Variants in CFAP410 observed in about 807,000 individuals in gnomAD.
CFAP410 encodes cilia- and flagella-associated protein 410.
CFAP410 carries 27 observed loss-of-function variants against 25.7 expected under a neutral mutation model. The ratio of observed to expected loss-of-function variants is 1.05; its 90% confidence interval spans 0.77 to 1.45. The LOEUF (loss-of-function observed/expected upper bound fraction) is 1.45, where lower values mean the gene tolerates loss of function less well. Among genes scored for constraint, CFAP410 ranks in the 40% most tolerant of loss-of-function variants. The pLI, the probability that CFAP410 is intolerant of heterozygous loss-of-function variation, is 0.00. For missense variants in CFAP410, 428 were observed against 354.1 expected, an observed-to-expected ratio of 1.21 and a Z score of -1.67; for synonymous variants, 178 against 158.4, an observed-to-expected ratio of 1.12 and a Z score of -0.93.
intron 3 of CFAP410, chr21:44,333,909 G>C (rs2047699488): frequency 2.8e-6 from 1 of 359,162 alleles, no homozygotes; most frequent in Admixed American, 3.7e-5. Flanking sequence ...TGCCTGGAGG[G>C]CTGCACTCGC....
At chr21:44,332,604 T>G in intron 4 of CFAP410, 1 of 178,522 alleles carries the variant, frequency 5.6e-6, no homozygotes, top group Non-Finnish European at 1.2e-5. Context: ...AGGGGCGCGA[T>G]GGCACCGCCA....
At chr21:44,338,376 T>A (rs1216654752) in intron 1 of CFAP410, 4 of 1,164,234 alleles carry the variant, frequency 3.4e-6, no homozygotes, top group African/African-American at 1.6e-5. Flanking sequence ...AGGCCTCAAC[T>A]CCAGGCTCCC....
rs567435284 is a variant in CFAP410, at chr21:44,333,137, C to T, written c.269G>A (p.Arg90Gln). Residue 90 changes from arginine (R) to glutamine (Q), a missense_variant, in exon 4 of 7, where the codon CGG becomes CAG. By Grantham distance (43) the Arg-to-Gln change is conservative. Coordinates refer to ENST00000339818, the MANE Select transcript of CFAP410 (RefSeq NM_004928.3). ...CGGGTTCTCGGCCAGCCACAGCACC[C>T]GCAGACGCGGCAGCCCCTTCAGGTA... ...LFYLKGLPRL[R>Q]VLWLAENPCC... 3.5e-5 allele frequency: 57 copies of T among 1,612,164 alleles called. No homozygotes were observed. The highest frequency in any genetic ancestry group is 1.6e-4 in the South Asian group (15 of 91,002).
chr21:44,331,280 C>T (rs1413033902), intron 5 of CFAP410: 2 of 354,120 alleles, frequency 5.6e-6, no homozygotes, highest in Non-Finnish European at 1.0e-5. Flanking sequence ...AGATGCCTAA[C>T]AGAGATCACA....
In CFAP410 at chr21:44,339,210, C is replaced by T. The variant is rs1602094119; in HGVS notation, c.-16G>A. 2 of 1,434,078 alleles carry T rather than the reference C, an allele frequency of 1.4e-6. No individual in the cohort carries two copies. The highest frequency in any genetic ancestry group is 1.5e-5 in the African/African-American group (1 of 66,808). The allele number at this position is 1,434,078 out of a possible 1,614,324, so 88.8% of individuals were successfully genotyped here. On this transcript the variant is annotated 5_prime_UTR_variant, in exon 1 of 7. Coordinates refer to ENST00000339818, the MANE Select transcript of CFAP410 (RefSeq NM_004928.3). ...TCAGCTTCATGGCGGCCGCCCAGGCCCGACCGGCGGGCGCCCCCGGCCTCC... is the reference window on the plus strand; with the variant it reads ...TCAGCTTCATGGCGGCCGCCCAGGCTCGACCGGCGGGCGCCCCCGGCCTCC...
chr21:44,332,921 A>C, intron 4 of CFAP410, 112 bp downstream of exon 4: 1 of 740,730 alleles, frequency 1.4e-6, no homozygotes, highest in Non-Finnish European at 2.3e-6. Context: ...GGACACATCT[A>C]TGTCCCGCCA....
At chr21:44,332,132 C>A (rs1213452149) in intron 4 of CFAP410, 118 bp from the exon 5 acceptor site, 1 of 782,828 alleles carries the variant, frequency 1.3e-6, no homozygotes, top group Non-Finnish European at 2.0e-6. Flanking sequence ...AATGCATGCA[C>A]GTGTATCCAC....
chr21:44,338,972 T>G lies in CFAP410; in HGVS notation c.77+146A>C, dbSNP rs1241517403. ...TCCGCCCTCTCCCCGCCCCGGCTCC[T>G]CCCTCCGGCTCCGCCCTCGTCCCGC... On this transcript the variant is annotated intron_variant, in intron 1 of 6. Coordinates refer to ENST00000339818, the MANE Select transcript of CFAP410 (RefSeq NM_004928.3). 2.7e-3 allele frequency: 155 copies of G among 57,116 alleles called. 6 individuals carry two copies. Among genetic ancestry groups the G allele is most frequent in the African/African-American group, 0.015 (121 of 8,194 alleles). 3.5% of individuals were successfully genotyped at this position (57,116 alleles called of 1,614,324 possible). A position where few individuals can be genotyped will look rare whatever the true frequency, so the allele number is the denominator to read the frequency against.
chr21:44,331,164 G>A (rs1004561641), intron 5 of CFAP410: 2 of 570,870 alleles, frequency 3.5e-6, no homozygotes, highest in Non-Finnish European at 3.1e-6. Flanking sequence ...CTCCCCAGCT[G>A]TAACACCTTC....
rs1047740504 is a variant in CFAP410, at chr21:44,333,655, T to A, written c.144-393A>T. 9.8e-6 allele frequency: 3 copies of A among 307,280 alleles called. No individual in the cohort carries two copies. The East Asian group carries it at 2.1e-4, about 22-fold the overall frequency. The allele number at this position is 307,280 out of a possible 1,614,324, so 19.0% of individuals were successfully genotyped here. A position where few individuals can be genotyped will look rare whatever the true frequency, so the allele number is the denominator to read the frequency against. Reference sequence around the variant, plus strand: ...GGCCAGAAAAACTCATGGCAAAAACTAGGAGCCAGCTCCACGTGACATGGG... The same window carrying A: ...GGCCAGAAAAACTCATGGCAAAAACAAGGAGCCAGCTCCACGTGACATGGG... On this transcript the variant is annotated intron_variant, in intron 3 of 6. Transcript: ENST00000339818.
intron 1 of CFAP410, among the ~76,000 whole-genome samples, chr21:44,337,911 G>GT (rs2047785017): frequency 6.6e-6 from 1 of 152,316 alleles, no homozygotes; most frequent in East Asian, 1.9e-4. Context: ...GAGCAGCAGG[G>GT]TTGCTCCATT....
intron 3 of CFAP410, chr21:44,334,095 G>T (rs934831290): frequency 2.2e-6 from 1 of 456,230 alleles, no homozygotes. Context: ...ACTCTTTCCA[G>T]GATGGGGTCT....
intron 3 of CFAP410, chr21:44,334,472 C>G (rs559082761): frequency 3.8e-4 from 40 of 105,626 alleles, no homozygotes; most frequent in South Asian, 3.0e-3. Flanking sequence ...ACGAGCCCCG[C>G]GGCAGGCACG....
At chr21:44,332,847 T>G (rs756411168) in intron 4 of CFAP410, 186 bp downstream of exon 4, 1 of 604,252 alleles carries the variant, frequency 1.7e-6, no homozygotes, top group Non-Finnish European at 3.0e-6. Flanking sequence ...GCTGCTGCAT[T>G]CGGGTGGCGG....
At chr21:44,332,500 C>CGGTGCT (rs914642627) in intron 4 of CFAP410, 23 of 163,158 alleles carry the variant, frequency 1.4e-4, no homozygotes, top group South Asian at 7.6e-4. Flanking sequence ...AAAACTGTGT[C>CGGTGCT]GGTGCTGGCG....
rs533273002 is a variant in CFAP410 at position 44,333,425 on chromosome 21, C to T, written c.144-163G>A. 10 of 629,384 alleles carry T rather than the reference C, an allele frequency of 1.6e-5. 1 individual carries two copies. Among genetic ancestry groups the T allele is most frequent in the South Asian group, 1.3e-4 (7 of 52,866 alleles). 39.0% of individuals were successfully genotyped at this position (629,384 alleles called of 1,614,324 possible). ...AAGTCACGTGCAGCAGGACCTGGGC[C>T]GAGGAGAGAGCTGTAGGAAGGCCAG... On this transcript the variant is annotated intron_variant, in intron 3 of 6. Transcript: ENST00000339818.
intron 3 of CFAP410, chr21:44,333,468 G>T: frequency 1.7e-6 from 1 of 595,100 alleles, no homozygotes; most frequent in Non-Finnish European, 3.0e-6. Flanking sequence ...ACTCAAAGGC[G>T]GACTGGGGTG....
At position 44,334,519 on chromosome 21, in the gene CFAP410, C is replaced by CCCCCCTCAACCTCTGGGCGGGCACGCCCA; in HGVS notation, c.143+1238_143+1239insTGGGCGTGCCCGCCCAGAGGTTGAGGGGG. On this transcript the variant is annotated intron_variant, in intron 3 of 6. Transcript: ENST00000339818. Reference sequence around the variant, plus strand: ...TCAACCTCTGGGCGGGCACGCGCACCCCCCCCCCCCCCCCGCTCAACCTCT... The same window carrying CCCCCCTCAACCTCTGGGCGGGCACGCCCA: ...TCAACCTCTGGGCGGGCACGCGCACCCCCCCTCAACCTCTGGGCGGGCACGCCCACCCCCCCCCCCCCCGCTCAACCTCT... 1.4e-5 allele frequency: 2 copies of CCCCCCTCAACCTCTGGGCGGGCACGCCCA among 147,878 alleles called. 1 individual carries two copies. The highest frequency in any genetic ancestry group is 2.7e-5 in the Non-Finnish European group (2 of 73,076). The allele number at this position is 147,878 out of a possible 1,614,324, so 9.2% of individuals were successfully genotyped here.
intron 2 of CFAP410, 122 bp downstream of exon 2, chr21:44,337,526 AC>A (rs1451868777): frequency 3.9e-6 from 3 of 774,628 alleles, no homozygotes; most frequent in Non-Finnish European, 6.5e-6. Flanking sequence ...CAAGTGTGGG[AC>A]TGAATTGATA....
Sources: gnomAD v4.1 joint callset for allele counts (sites outside exome capture counted in the v4.1 genomes callset) on GRCh38, gnomAD v4.1.1 for gene constraint, MANE v1.5 for transcripts, NCBI Gene and HGNC (gene_info 2026-07-23, HGNC 2026-07-21) for gene names.